Variants in PHAF1 observed in about 807,000 individuals in gnomAD.
PHAF1 encodes phagophore assembly factor 1.
Under a neutral mutation model 63.1 loss-of-function variants are expected in PHAF1, and 23 were observed. The observed-to-expected ratio is 0.36, with a 90% CI of 0.26 to 0.52. The LOEUF is 0.52. Among genes scored for constraint, PHAF1 ranks in the 20% least tolerant of loss-of-function variants. The probability of loss-of-function intolerance (pLI) is 0.93; values close to 1 mark genes in which losing one functional copy is unlikely to be tolerated. For missense variants in PHAF1, 427 were observed against 517.2 expected, an observed-to-expected ratio of 0.83 and a Z score of 1.69; for synonymous variants, 167 against 185.0, an observed-to-expected ratio of 0.90 and a Z score of 0.79.
At chr16:67,117,613 A>G (rs1962790915) in intron 1 of PHAF1, among the ~76,000 whole-genome samples, 1 of 151,038 alleles carries the variant, frequency 6.6e-6, no homozygotes, top group African/African-American at 2.4e-5. Flanking sequence ...TGTCTCTACT[A>G]AAAAATACAA....
Position 67,147,124 on chromosome 16 carries a change from TC to T in PHAF1, c.1266del (p.Ter423ArgfsTer41). 6.2e-7 allele frequency: 1 copy of T among 1,611,212 alleles called. No individual in the cohort carries two copies. ...GGTAGCCACCTGAGAACAGCGGAAC[TC>T]CCCTAGGGACACCACCACCCATGCC... ...RPGSHLRTAE[L>X]P On this transcript the variant is annotated frameshift_variant, in exon 16 of 16. Coordinates refer to ENST00000219139, the MANE Select transcript of PHAF1 (RefSeq NM_025187.5). LOFTEE classifies it high-confidence loss of function.
intron 11 of PHAF1, 152 bp from the exon 12 acceptor site, chr16:67,144,682 C>G (rs1963927039): frequency 4.6e-6 from 4 of 865,480 alleles, no homozygotes; most frequent in Non-Finnish European, 7.3e-6. Context: ...GTGCCTAAAT[C>G]TGGCCTCCCC....
chr16:67,128,689 C>G (rs1022606931), intron 3 of PHAF1, among the ~76,000 whole-genome samples: 5 of 152,284 alleles, frequency 3.3e-5, no homozygotes, highest in Admixed American at 3.3e-4. Context: ...TGGGCTTTAG[C>G]CTTCCCAGCT....
intron 3 of PHAF1, among the ~76,000 whole-genome samples, chr16:67,128,802 C>T (rs1279592203): frequency 1.3e-5 from 2 of 152,328 alleles, no homozygotes; most frequent in African/African-American, 4.8e-5. Context: ...GGGTCCATTG[C>T]CACAAGTGCT....
rs566478883 is a variant in PHAF1 at position 67,143,698 on chromosome 16, A to T, written c.880-596A>T. Among the ~76,000 whole-genome samples the T allele has an allele frequency of 3.4e-4, 52 of 152,312 alleles. No homozygotes were observed. The South Asian group carries it at 9.3e-3, about 27-fold the overall frequency. ...AACACAGACGGACAACCCTGCCCTC[A>T]CGGAGCTTATATTCAGAGGGAAGAA... is the stretch of plus-strand genomic sequence containing the variant. On this transcript the variant is annotated intron_variant, in intron 10 of 15. Transcript: ENST00000219139.
At chr16:67,116,521 A>G (rs2145821253) in intron 1 of PHAF1, among the ~76,000 whole-genome samples, 1 of 152,232 alleles carries the variant, frequency 6.6e-6, no homozygotes, top group Non-Finnish European at 1.5e-5. Flanking sequence ...CCACTCTACA[A>G]TCCATCAGTC....
chr16:67,145,271 TCCAACC>T lies in PHAF1; in HGVS notation c.1007-101_1007-96del, dbSNP rs2029942989. ...CAGCCTGTTAATCCTCCCCATGTAC[TCCAACC>T]CCAGTGCAAAGGGACACCAGGTCTG... On this transcript the variant is annotated intron_variant, in intron 12 of 15. Transcript: ENST00000219139. 1.4e-5 allele frequency: 18 copies of T among 1,313,818 alleles called. No individual in the cohort carries two copies. The South Asian group carries it at 2.1e-4, about 16-fold the overall frequency. 81.4% of individuals were successfully genotyped at this position (1,313,818 alleles called of 1,614,324 possible).
At chr16:67,132,742 C>T (rs754024436) in intron 5 of PHAF1, 75 bp from the exon 6 acceptor site, 3 of 1,359,628 alleles carry the variant, frequency 2.2e-6, no homozygotes, top group Middle Eastern at 3.6e-4. Flanking sequence ...TCATTACTCC[C>T]TGCCAGGCTG....
chr16:67,122,827 C>G (rs543369685), intron 2 of PHAF1, among the ~76,000 whole-genome samples: 1 of 152,288 alleles, frequency 6.6e-6, no homozygotes, highest in African/African-American at 2.4e-5. Flanking sequence ...CTCCCAGGCT[C>G]AACCGATTCT....
chr16:67,136,554 C>CTTTTTTTTTTTTTTTTTTTT (rs34174571), intron 8 of PHAF1, among the ~76,000 whole-genome samples: 22 of 60,462 alleles, frequency 3.6e-4, no homozygotes, highest in Non-Finnish European at 4.5e-4. Flanking sequence ...GCATTGATTC[C>CTTTTTTTTTTTTTTTTTTTT]TTTTTTTTTT....
In PHAF1 at chr16:67,146,398, C is replaced by A; in HGVS notation, c.1182+48C>A. On this transcript the variant is annotated intron_variant, in intron 15 of 15. Coordinates refer to ENST00000219139, the MANE Select transcript of PHAF1 (RefSeq NM_025187.5). ...ATAAACTGCCTGGGGGGTTGCTGGT[C>A]ATGGCAGGGCCAGGTGAATGATGGA... 3 of 1,555,756 alleles carry A rather than the reference C, an allele frequency of 1.9e-6. No individual in the cohort carries two copies. In the South Asian group the frequency reaches 3.3e-5, roughly 17 times the overall value.
At position 67,132,490 on chromosome 16, in the gene PHAF1, A is replaced by G; in HGVS notation, c.320A>G (p.Gln107Arg). The change falls in exon 5 of 16, where the codon CAG (glutamine) becomes CGG (arginine). Residue 107 changes from glutamine to arginine, a missense_variant. By Grantham distance (43) the Gln-to-Arg change is conservative. Coordinates refer to ENST00000219139, the MANE Select transcript of PHAF1 (RefSeq NM_025187.5). ...CAGGCCATAGCTCCTACCATTGAAC[A>G]GATTGACCAGTCTTTTGGCGCAACC... The part of the protein sequence containing the change: ...NSQAIAPTIE[Q>R]IDQSFGATHP... 1 of 1,614,154 alleles carries G rather than the reference A, an allele frequency of 6.2e-7. No individual in the cohort carries two copies. Among genetic ancestry groups the G allele is most frequent in the Non-Finnish European group, 8.5e-7 (1 of 1,180,010 alleles).
At chr16:67,131,432 T>A in intron 4 of PHAF1, 103 bp downstream of exon 4, 1 of 881,088 alleles carries the variant, frequency 1.1e-6, no homozygotes, top group Non-Finnish European at 1.7e-6. Flanking sequence ...CAGATGTGAA[T>A]TATAGCCTGG....
chr16:67,110,313 C>T (rs951090147), intron 1 of PHAF1, 74 bp downstream of exon 1: 3 of 1,484,916 alleles, frequency 2.0e-6, no homozygotes, highest in African/African-American at 2.8e-5. Flanking sequence ...CACCTGTTCT[C>T]AGTCTCTCAC....
intron 3 of PHAF1, among the ~76,000 whole-genome samples, chr16:67,127,592 C>G (rs372831954): frequency 2.0e-5 from 3 of 152,020 alleles, no homozygotes; most frequent in East Asian, 3.9e-4. Flanking sequence ...GTCAGGAGAT[C>G]GAGACCATCC....
chr16:67,114,627 G>A (rs377266566), intron 1 of PHAF1, among the ~76,000 whole-genome samples: 2 of 151,998 alleles, frequency 1.3e-5, no homozygotes, highest in African/African-American at 4.8e-5. Flanking sequence ...AAGCAATTTG[G>A]TATTATAATT....
intron 14 of PHAF1, 121 bp from the exon 15 acceptor site, chr16:67,146,155 GAC>G (rs2030040661): frequency 4.4e-6 from 4 of 901,554 alleles, no homozygotes; most frequent in South Asian, 2.7e-5. Flanking sequence ...GTGGGAAACA[GAC>G]AGACACTCAC....
At chr16:67,111,868 C>A (rs1385261044) in intron 1 of PHAF1, among the ~76,000 whole-genome samples, 1 of 152,168 alleles carries the variant, frequency 6.6e-6, no homozygotes, top group South Asian at 2.1e-4. Flanking sequence ...AAGTGATCCG[C>A]CTTGGCCTCC....
At chr16:67,127,045 C>T (rs551532726) in intron 3 of PHAF1, among the ~76,000 whole-genome samples, 14 of 151,866 alleles carry the variant, frequency 9.2e-5, no homozygotes, top group Admixed American at 3.3e-4. Flanking sequence ...CGTGCCACTA[C>T]GCCCAGCTAA....
Sources: allele counts gnomAD v4.1 joint callset (sites outside exome capture counted in the v4.1 genomes callset), GRCh38; gene constraint gnomAD v4.1.1; transcripts MANE v1.5; gene names NCBI Gene and HGNC (gene_info 2026-07-23, HGNC 2026-07-21).